Variants in GLIPR1L2 observed in about 807,000 individuals in gnomAD.
GLIPR1L2 encodes the protein GLIPR1-like protein 2.
A neutral mutation model predicts 28.4 loss-of-function variants in GLIPR1L2; 21 were observed. That is an observed-to-expected ratio of 0.74 (90% CI 0.52 to 1.06). GLIPR1L2 has a LOEUF of 1.06. Ranked by LOEUF, GLIPR1L2 falls within the 50% of genes least tolerant of loss-of-function variation. The probability of loss-of-function intolerance (pLI) is 0.00; values close to 1 mark genes in which losing one functional copy is unlikely to be tolerated. For synonymous variants in GLIPR1L2, 145 were observed against 139.3 expected (o/e 1.04, Z -0.29); for missense variants, 476 against 416.9 (o/e 1.14, Z -1.23).
rs769060228 is a variant in GLIPR1L2, at chr12:75,422,922, A to T, written c.603A>T (p.Arg201Ser). The change falls in exon 4 of 6, where the codon AGA becomes AGT. Residue 201 changes from arginine to serine, a missense_variant. Physicochemically the swap from Arg to Ser is moderately radical, Grantham distance 110. Coordinates refer to ENST00000550916, the MANE Select transcript of GLIPR1L2 (RefSeq NM_001270396.2). ...TTTGTAGAGGAACACTGACGAGAAGACCTTATGAACCAGGAATATTTTGTA... is the reference window on the plus strand; with the variant it reads ...TTTGTAGAGGAACACTGACGAGAAGTCCTTATGAACCAGGAATATTTTGTA... The part of the protein sequence containing the change: ...NYAPGGTLTR[R>S]PYEPGIFCTR... The T allele has an allele frequency of 6.2e-7, 1 of 1,610,208 alleles. No individual in the cohort carries two copies.
chr12:75,401,728 T>G lies in GLIPR1L2; in HGVS notation c.235-8706T>G, dbSNP rs551235595. Reference sequence around the variant, plus strand: ...CAAAAAATGTTGGTTGATAGAATCTTAACTAAGGAATTAAGCAACATTCTT... The same window carrying G: ...CAAAAAATGTTGGTTGATAGAATCTGAACTAAGGAATTAAGCAACATTCTT... On this transcript the variant is annotated intron_variant, in intron 1 of 5. Coordinates refer to ENST00000550916, the MANE Select transcript of GLIPR1L2 (RefSeq NM_001270396.2). Among the ~76,000 whole-genome samples, 7 of 152,176 alleles carry G rather than the reference T, an allele frequency of 4.6e-5. No homozygotes were observed. In the South Asian group the frequency reaches 1.4e-3, roughly 32 times the overall value.
At chr12:75,428,803 G>A (rs2046061285) in intron 4 of GLIPR1L2, among the ~76,000 whole-genome samples, 1 of 152,228 alleles carries the variant, frequency 6.6e-6, no homozygotes, top group African/African-American at 2.4e-5. Context: ...CCAAGGTACA[G>A]CTCAGGCCAT....
chr12:75,411,891 A>G (rs2045871710), intron 2 of GLIPR1L2, among the ~76,000 whole-genome samples: 1 of 152,034 alleles, frequency 6.6e-6, no homozygotes, highest in Non-Finnish European at 1.5e-5. Context: ...TGGAAGTATT[A>G]GAAATATTAA....
At chr12:75,409,578 TAC>T (rs1402837022) in intron 1 of GLIPR1L2, among the ~76,000 whole-genome samples, 1 of 147,024 alleles carries the variant, frequency 6.8e-6, no homozygotes, top group African/African-American at 2.5e-5. Context: ...TATATATATA[TAC>T]ACACACACAT....
chr12:75,401,911 GAAAC>G (rs751225424), intron 1 of GLIPR1L2, among the ~76,000 whole-genome samples: 17 of 151,842 alleles, frequency 1.1e-4, no homozygotes, highest in South Asian at 2.1e-4. Context: ...TCAAAGAAAA[GAAAC>G]AAAGAATGAG....
In GLIPR1L2 at chr12:75,411,307, C is replaced by A. The variant is rs2045864729; in HGVS notation, c.480+628C>A. 2.0e-5 allele frequency among the ~76,000 whole-genome samples: 3 copies of A among 151,826 alleles called. No individual in the cohort carries two copies. The South Asian group carries it at 6.2e-4, about 31-fold the overall frequency. ...AACAACACGACGTTATTTAGGTCTG[C>A]AATAAATATTTGTTTCAGGAATCAA... On this transcript the variant is annotated intron_variant, in intron 2 of 5. Transcript: ENST00000550916.
intron 1 of GLIPR1L2, among the ~76,000 whole-genome samples, chr12:75,409,595 A>C (rs1239697857): frequency 6.8e-6 from 1 of 147,302 alleles, no homozygotes; most frequent in Non-Finnish European, 1.5e-5. Context: ...ACACATATAT[A>C]TATTCTCTGT....
chr12:75,427,554 T>C (rs1044895461), intron 4 of GLIPR1L2, among the ~76,000 whole-genome samples: 4 of 152,228 alleles, frequency 2.6e-5, no homozygotes, highest in Non-Finnish European at 4.4e-5. Context: ...TTTGTTGCTA[T>C]TGGGTTCTCT....
At chr12:75,406,977 C>T (rs921067244) in intron 1 of GLIPR1L2, among the ~76,000 whole-genome samples, 5 of 151,956 alleles carry the variant, frequency 3.3e-5, no homozygotes, top group African/African-American at 1.2e-4. Context: ...CTCCCACACT[C>T]AATATCTGAT....
intron 3 of GLIPR1L2, among the ~76,000 whole-genome samples, chr12:75,417,181 TG>T (rs2045931452): frequency 6.6e-6 from 1 of 152,026 alleles, no homozygotes; most frequent in African/African-American, 2.4e-5. Context: ...CTAGATTATT[TG>T]GGTGAGGGCT....
At chr12:75,427,249 TTAA>T (rs1252400165) in intron 4 of GLIPR1L2, among the ~76,000 whole-genome samples, 3 of 152,164 alleles carry the variant, frequency 2.0e-5, no homozygotes, top group East Asian at 3.9e-4. Flanking sequence ...TCAATGAAAA[TTAA>T]TGATGAGAAG....
At chr12:75,403,547 G>A (rs2045765179) in intron 1 of GLIPR1L2, among the ~76,000 whole-genome samples, 1 of 151,964 alleles carries the variant, frequency 6.6e-6, no homozygotes, top group African/African-American at 2.4e-5. Context: ...TAACTATGTC[G>A]GCTTCCTTTT....
chr12:75,393,449 A>G (rs1418225285), intron 1 of GLIPR1L2, among the ~76,000 whole-genome samples: 1 of 151,706 alleles, frequency 6.6e-6, no homozygotes, highest in African/African-American at 2.4e-5. Context: ...TTCTATTCCT[A>G]TTAATTTGAC....
intron 1 of GLIPR1L2, among the ~76,000 whole-genome samples, chr12:75,407,919 A>T (rs2045820763): frequency 6.6e-6 from 1 of 152,066 alleles, no homozygotes. Flanking sequence ...GTTTATGATT[A>T]TACCTTCCTT....
chr12:75,407,445 A>G (rs1322579640), intron 1 of GLIPR1L2, among the ~76,000 whole-genome samples: 1 of 152,184 alleles, frequency 6.6e-6, no homozygotes, highest in East Asian at 1.9e-4. Flanking sequence ...CCTAAATCTT[A>G]CAAGTGGTGT....
chr12:75,406,161 T>C (rs1264246759), intron 1 of GLIPR1L2, among the ~76,000 whole-genome samples: 2 of 151,978 alleles, frequency 1.3e-5, no homozygotes, highest in Non-Finnish European at 2.9e-5. Context: ...AAAAAAAAAT[T>C]ATGTTACCCC....
At position 75,431,029 on chromosome 12, in the gene GLIPR1L2, G is replaced by A. The variant is rs1485975360; in HGVS notation, c.903G>A (p.Glu301=). ...AATCTGAAGCAGGGAATGAAGAGGAGGAAAAAGAGGAAGAGAAGAAAGAGA... is the reference window on the plus strand; with the variant it reads ...AATCTGAAGCAGGGAATGAAGAGGAAGAAAAAGAGGAAGAGAAGAAAGAGA... ...PEESEAGNEE[E]EKEEEKKEKE... The change falls in exon 6 of 6, where the codon GAG becomes GAA. Residue 301 remains glutamate, a synonymous_variant. Coordinates refer to ENST00000550916, the MANE Select transcript of GLIPR1L2 (RefSeq NM_001270396.2). 6.6e-7 allele frequency: 1 copy of A among 1,517,988 alleles called. No homozygotes were observed. Among genetic ancestry groups the A allele is most frequent in the Non-Finnish European group, 8.8e-7 (1 of 1,131,266 alleles). The allele number at this position is 1,517,988 out of a possible 1,614,324, so 94.0% of individuals were successfully genotyped here.
At chr12:75,404,298 G>A in intron 1 of GLIPR1L2, among the ~76,000 whole-genome samples, 1 of 152,116 alleles carries the variant, frequency 6.6e-6, no homozygotes, top group East Asian at 1.9e-4. Context: ...ATCTCTTAAA[G>A]GAGGTCTACT....
chr12:75,408,547 G>A (rs910306672), intron 1 of GLIPR1L2, among the ~76,000 whole-genome samples: 1 of 152,030 alleles, frequency 6.6e-6, no homozygotes. Flanking sequence ...GGTATGTGAA[G>A]TATATGCATA....
Sources: gnomAD v4.1 joint callset for allele counts (sites outside exome capture counted in the v4.1 genomes callset) on GRCh38, gnomAD v4.1.1 for gene constraint, MANE v1.5 for transcripts, NCBI Gene and HGNC (gene_info 2026-07-23, HGNC 2026-07-21) for gene names.